The following LCORL variants were observed in gnomAD, a reference collection of about 807,000 sequenced individuals.
LCORL encodes the protein ligand-dependent nuclear receptor corepressor-like protein.
In LCORL, 41 loss-of-function variants were observed where a neutral mutation model predicts 141.8. That is an observed-to-expected ratio of 0.29 (90% CI 0.23 to 0.38). The LOEUF (loss-of-function observed/expected upper bound fraction) is 0.38. Ranked by LOEUF, LCORL falls within the 10% of genes least tolerant of loss-of-function variation. The pLI is 1.00. For synonymous variants in LCORL, 618 were observed against 694.1 expected (o/e 0.89, Z 1.72); for missense variants, 1,759 against 2,035.0 (o/e 0.86, Z 2.61).
chr4:17,869,498 C>T (rs957114267), intron 7 of LCORL, among the ~76,000 whole-genome samples: 2 of 152,148 alleles, frequency 1.3e-5, no homozygotes, highest in Non-Finnish European at 2.9e-5. Flanking sequence ...ACATTGCCTT[C>T]TCCCTTCTTA....
chr4:17,976,294 C>G (rs1716953404), intron 1 of LCORL, among the ~76,000 whole-genome samples: 2 of 152,222 alleles, frequency 1.3e-5, no homozygotes, highest in African/African-American at 4.8e-5. Context: ...TATCTACCAT[C>G]TAATTTGCTA....
chr4:18,016,332 T>TA (rs1724630729), intron 1 of LCORL, among the ~76,000 whole-genome samples: 1 of 152,206 alleles, frequency 6.6e-6, no homozygotes, highest in Non-Finnish European at 1.5e-5. Context: ...TGCTAAGTGG[T>TA]AACAACAGGA....
chr4:17,903,669 C>T (rs1394364780), intron 5 of LCORL, among the ~76,000 whole-genome samples: 2 of 151,878 alleles, frequency 1.3e-5, no homozygotes, highest in Non-Finnish European at 2.9e-5. Context: ...AAAGAAATAT[C>T]CTCAAATATT....
intron 1 of LCORL, among the ~76,000 whole-genome samples, chr4:17,981,000 C>G (rs961260819): frequency 6.6e-6 from 1 of 152,132 alleles, no homozygotes; most frequent in Non-Finnish European, 1.5e-5. Flanking sequence ...GATTAGGGAC[C>G]ACTGACTTAG....
chr4:17,932,771 A>T (rs6449345), intron 4 of LCORL, among the ~76,000 whole-genome samples: 35,883 of 152,122 alleles, frequency 0.24, 5,402 homozygotes, highest in African/African-American at 0.42. Flanking sequence ...AAATATGGTG[A>T]ATTGCAACAG....
Position 17,936,093 on chromosome 4 carries a change from T to C in LCORL, c.430+25810A>G, listed in dbSNP as rs1227474461. ...ATATAGCTAATGATTTCCAATCTTG[T>C]ATAATGTAATTCCCTACTTTTAATT... is the stretch of plus-strand genomic sequence containing the variant. On this transcript the variant is annotated intron_variant, in intron 4 of 7. Coordinates refer to ENST00000635767, the Ensembl canonical transcript of LCORL. Among the ~76,000 whole-genome samples, 3 of 152,170 alleles carry C rather than the reference T, an allele frequency of 2.0e-5. No homozygotes were observed. The East Asian group carries it at 5.8e-4, about 29-fold the overall frequency.
chr4:18,016,249 C>T (rs1270232054), intron 1 of LCORL, among the ~76,000 whole-genome samples: 2 of 152,096 alleles, frequency 1.3e-5, no homozygotes, highest in Non-Finnish European at 2.9e-5. Flanking sequence ...ACAAAATTAG[C>T]AAACAACCTG....
At chr4:17,924,814 C>T (rs537671326) in intron 4 of LCORL, among the ~76,000 whole-genome samples, 3 of 152,260 alleles carry the variant, frequency 2.0e-5, no homozygotes, top group East Asian at 3.9e-4. Context: ...GGTAGAATGG[C>T]CTTTTGAAGT....
chr4:17,939,879 T>TACGTACACACACACACAC (rs1553873764), intron 4 of LCORL, among the ~76,000 whole-genome samples: 1 of 147,868 alleles, frequency 6.8e-6, no homozygotes, highest in East Asian at 2.0e-4. Flanking sequence ...TAGGTACATG[T>TACGTACACACACACACAC]ACACACACAC....
At position 17,884,082 on chromosome 4, in the gene LCORL, C is replaced by A. The variant is rs1164520171; in HGVS notation, c.776+1986G>T. The stretch of plus-strand genomic sequence containing the variant: ...GAATTAAGACACAAAGGAGAGAGGT[C>A]CCCATGTAGAAAGTAAGAGTCAACA... On this transcript the variant is annotated intron_variant, in intron 6 of 7. Coordinates refer to ENST00000635767, the Ensembl canonical transcript of LCORL. The surrounding 1 kb of genome is among the most constrained non-coding windows in gnomAD (Gnocchi z 4.4). 6.4e-7 allele frequency: 1 copy of A among 1,550,588 alleles called. No homozygotes were observed.
chr4:17,903,951 C>T lies in LCORL; in HGVS notation c.682+5143G>A, dbSNP rs192326619. On this transcript the variant is annotated intron_variant, in intron 5 of 7. Transcript: ENST00000635767. ...TATTGTTGCAGAAAGAAAAACAAAA[C>T]AAGATGGAAGAAAACCCTAAAGGTT... Among the ~76,000 whole-genome samples the T allele has an allele frequency of 3.6e-3, 554 of 151,814 alleles. 4 individuals carry two copies. Among genetic ancestry groups the T allele is most frequent in the African/African-American group, 0.012 (502 of 41,466 alleles).
At chr4:17,872,869 A>G (rs1315821317) in intron 7 of LCORL, among the ~76,000 whole-genome samples, 1 of 152,138 alleles carries the variant, frequency 6.6e-6, no homozygotes, top group Non-Finnish European at 1.5e-5. Context: ...ATGACATAAC[A>G]ACTTGGTGGG....
chr4:17,989,114 C>T (rs984179428), intron 1 of LCORL, among the ~76,000 whole-genome samples: 1 of 152,210 alleles, frequency 6.6e-6, no homozygotes, highest in African/African-American at 2.4e-5. Flanking sequence ...GATTCTCTTA[C>T]ACTTCTATAC....
intron 1 of LCORL, among the ~76,000 whole-genome samples, chr4:17,990,526 G>A (rs1366741615): frequency 1.3e-5 from 2 of 151,888 alleles, no homozygotes; most frequent in Non-Finnish European, 2.9e-5. Context: ...TGGGGTGGGA[G>A]GGTTGGTCTT....
At chr4:17,929,068 A>G (rs901122946) in intron 4 of LCORL, among the ~76,000 whole-genome samples, 25 of 152,328 alleles carry the variant, frequency 1.6e-4, no homozygotes, top group African/African-American at 6.0e-4. Context: ...CAAATAAAAT[A>G]CTTACAAAAA....
intron 1 of LCORL, among the ~76,000 whole-genome samples, chr4:17,985,429 C>T (rs1349868931): frequency 1.3e-5 from 2 of 152,106 alleles, no homozygotes; most frequent in Non-Finnish European, 2.9e-5. Flanking sequence ...TAAGAACTTG[C>T]TTTATGAATC....
At chr4:17,926,411 C>G (rs1312144177) in intron 4 of LCORL, among the ~76,000 whole-genome samples, 1 of 152,228 alleles carries the variant, frequency 6.6e-6, no homozygotes, top group South Asian at 2.1e-4. Context: ...CTTCCTCTTT[C>G]TCCTGTGCTG....
At chr4:17,954,650 C>G (rs570262971) in intron 4 of LCORL, among the ~76,000 whole-genome samples, 3 of 152,022 alleles carry the variant, frequency 2.0e-5, no homozygotes, top group Non-Finnish European at 4.4e-5. Context: ...ATAACCAGAC[C>G]AGATGGGCCT....
chr4:17,870,581 A>C (rs962835634), intron 7 of LCORL, among the ~76,000 whole-genome samples: 1 of 152,158 alleles, frequency 6.6e-6, no homozygotes, highest in Admixed American at 6.6e-5. Context: ...ACATGGAGGA[A>C]CATATAAGAG....
Sources: gnomAD v4.1 joint callset for allele counts (sites outside exome capture counted in the v4.1 genomes callset) on GRCh38, gnomAD v4.1.1 for gene constraint, Gnocchi (gnomAD v3.1) non-coding constraint, MANE v1.5 for transcripts, NCBI Gene and HGNC (gene_info 2026-07-23, HGNC 2026-07-21) for gene names.